The following R3HDM2 variants were observed in gnomAD, a reference collection of about 807,000 sequenced individuals.
R3HDM2 encodes R3H domain containing 2.
Under a neutral mutation model 124.5 loss-of-function variants are expected in R3HDM2, and 38 were observed. That is an observed-to-expected ratio of 0.31 (90% CI 0.24 to 0.40). R3HDM2 has a LOEUF of 0.40. Ranked by LOEUF, R3HDM2 falls within the 10% of genes least tolerant of loss-of-function variation. The pLI, the probability that R3HDM2 is intolerant of heterozygous loss-of-function variation, is 1.00. For synonymous variants in R3HDM2, 391 were observed against 448.0 expected, an observed-to-expected ratio of 0.87 and a Z score of 1.61; for missense variants, 869 against 1,236.9, an observed-to-expected ratio of 0.70 and a Z score of 4.46.
In R3HDM2 at chr12:57,292,462, A is replaced by AAAAC. The variant is rs1265186609; in HGVS notation, c.906+106_906+109dup. The AAAAC allele has an allele frequency of 4.0e-6, 3 of 743,132 alleles. No individual in the cohort carries two copies. In the African/African-American group the frequency reaches 5.3e-5, roughly 13 times the overall value. The allele number at this position is 743,132 out of a possible 1,614,324, so 46.0% of individuals were successfully genotyped here. On this transcript the variant is annotated intron_variant, in intron 11 of 23. Transcript: ENST00000402412. ...AGGGTTGGCTGATGTTGGTTAAAAT[A>AAAAC]AAACAAACAAACAAACCCAAAAACA... is the stretch of plus-strand genomic sequence containing the variant.
At chr12:57,347,214 C>G (rs910623469) in intron 2 of R3HDM2, among the ~76,000 whole-genome samples, 1 of 151,946 alleles carries the variant, frequency 6.6e-6, no homozygotes, top group Non-Finnish European at 1.5e-5. Context: ...CCACCGCACT[C>G]CAGCCTGGAT....
chr12:57,374,295 G>C (rs1352922668), intron 2 of R3HDM2, among the ~76,000 whole-genome samples: 1 of 151,904 alleles, frequency 6.6e-6, no homozygotes, highest in East Asian at 1.9e-4. Flanking sequence ...CTCCAGCCTG[G>C]GCAATGGGAG....
chr12:57,411,204 TTTTG>T (rs1350559851), intron 1 of R3HDM2, among the ~76,000 whole-genome samples: 6 of 152,230 alleles, frequency 3.9e-5, no homozygotes, highest in Admixed American at 1.3e-4. Context: ...TATGCAGGAT[TTTTG>T]TTTGTTTTTT....
At chr12:57,309,270 T>C (rs1183780508) in intron 3 of R3HDM2, among the ~76,000 whole-genome samples, 1 of 152,234 alleles carries the variant, frequency 6.6e-6, no homozygotes, top group Non-Finnish European at 1.5e-5. Flanking sequence ...TCTCTTGACT[T>C]ATAATAAAAC....
intron 2 of R3HDM2, among the ~76,000 whole-genome samples, chr12:57,356,639 T>C (rs553361356): frequency 3.3e-5 from 5 of 152,358 alleles, no homozygotes; most frequent in African/African-American, 9.6e-5. Flanking sequence ...CAAAAGTTTA[T>C]GTAGAAATGG....
rs372700229 is a variant in R3HDM2 at position 57,258,952 on chromosome 12, A to G, written c.2239T>C (p.Tyr747His). The G allele has an allele frequency of 3.2e-5, 52 of 1,612,660 alleles. No homozygotes were observed. The highest frequency in any genetic ancestry group is 4.4e-5 in the Non-Finnish European group (52 of 1,179,956). The change falls in exon 20 of 24, where the codon TAC (tyrosine) becomes CAC (histidine). Residue 747 changes from tyrosine (Y) to histidine (H), a missense_variant. Coordinates refer to ENST00000402412, the MANE Select transcript of R3HDM2 (RefSeq NM_001394031.1). The part of the protein sequence containing the change: ...SMVQWSHCKY[Y>H]SMDQRGQKPG... ...TTCTGCCCCCGCTGGTCCATGCTGT[A>G]GTATTTACAATGACTCCACTGGACC...
intron 13 of R3HDM2, 136 bp from the exon 14 acceptor site, chr12:57,280,666 T>G (rs2045914959): frequency 1.3e-6 from 1 of 770,504 alleles, no homozygotes; most frequent in African/African-American, 1.8e-5. Context: ...CCCACTGTCT[T>G]TTGAAGATTC....
chr12:57,284,533 T>A (rs955955707), intron 12 of R3HDM2, among the ~76,000 whole-genome samples: 13 of 152,180 alleles, frequency 8.5e-5, no homozygotes, highest in African/African-American at 3.1e-4. Flanking sequence ...ACATAACACA[T>A]GTCTAAGCCA....
intron 2 of R3HDM2, among the ~76,000 whole-genome samples, chr12:57,374,014 G>T (rs1311029027): frequency 1.3e-5 from 2 of 151,278 alleles, no homozygotes; most frequent in African/African-American, 4.9e-5. Flanking sequence ...TGTAATCCCA[G>T]CTACTCGGGA....
At chr12:57,285,011 T>C (rs777971174) in intron 12 of R3HDM2, among the ~76,000 whole-genome samples, 1 of 152,164 alleles carries the variant, frequency 6.6e-6, no homozygotes, top group Non-Finnish European at 1.5e-5. Flanking sequence ...GCAATTTTTC[T>C]TTCATACCCC....
At chr12:57,384,369 A>G (rs1468880645) in intron 2 of R3HDM2, among the ~76,000 whole-genome samples, 1 of 151,994 alleles carries the variant, frequency 6.6e-6, no homozygotes, top group African/African-American at 2.4e-5. Context: ...AAAAAAAAGA[A>G]AAGAAAAGTA....
chr12:57,293,013 A>G (rs1402455096), intron 10 of R3HDM2, among the ~76,000 whole-genome samples: 1 of 152,164 alleles, frequency 6.6e-6, no homozygotes, highest in African/African-American at 2.4e-5. Context: ...AAAAGGAACA[A>G]CACTGCTTTA....
chr12:57,388,669 T>C (rs532775551), intron 2 of R3HDM2, among the ~76,000 whole-genome samples: 3 of 152,312 alleles, frequency 2.0e-5, no homozygotes, highest in East Asian at 1.9e-4. Flanking sequence ...CTATGTGTCC[T>C]GGACCACGAA....
chr12:57,279,430 G>A (rs1341978358), intron 14 of R3HDM2, among the ~76,000 whole-genome samples: 3 of 150,592 alleles, frequency 2.0e-5, no homozygotes, highest in South Asian at 2.1e-4. Flanking sequence ...TGATTCACCC[G>A]CCTCAGCCTC....
At chr12:57,340,279 C>T (rs1056933088) in intron 2 of R3HDM2, among the ~76,000 whole-genome samples, 2 of 152,192 alleles carry the variant, frequency 1.3e-5, no homozygotes, top group African/African-American at 2.4e-5. Context: ...CTCCCAGTGA[C>T]GTCAGAGCAG....
At chr12:57,278,893 C>T (rs888788233) in intron 14 of R3HDM2, among the ~76,000 whole-genome samples, 4 of 152,162 alleles carry the variant, frequency 2.6e-5, no homozygotes, top group African/African-American at 9.7e-5. Context: ...TCTTTGCACT[C>T]TAGTTTCTAG....
intron 1 of R3HDM2, among the ~76,000 whole-genome samples, chr12:57,413,983 T>C (rs2139367391): frequency 6.7e-6 from 1 of 149,638 alleles, no homozygotes; most frequent in Middle Eastern, 3.5e-3. Context: ...GTAGCTGAGA[T>C]TACAGGCACA....
chr12:57,348,865 G>A (rs529186137), intron 2 of R3HDM2, among the ~76,000 whole-genome samples: 2 of 152,212 alleles, frequency 1.3e-5, no homozygotes, highest in Admixed American at 1.3e-4. Context: ...ACTCCAACCT[G>A]AGCAACAGAG....
intron 18 of R3HDM2, among the ~76,000 whole-genome samples, chr12:57,267,601 T>C (rs776417662): frequency 2.6e-5 from 4 of 151,746 alleles, no homozygotes; most frequent in African/African-American, 9.7e-5. Flanking sequence ...TAAAGACAAA[T>C]AGAAAAAAAT....
Sources: allele counts gnomAD v4.1 joint callset (sites outside exome capture counted in the v4.1 genomes callset), GRCh38; gene constraint gnomAD v4.1.1; transcripts MANE v1.5; gene names NCBI Gene and HGNC (gene_info 2026-07-23, HGNC 2026-07-21).